The following FLG variants were observed in gnomAD, a reference collection of about 807,000 sequenced individuals.
The protein encoded by FLG is filaggrin.
Under a neutral mutation model 3.8 loss-of-function variants are expected in FLG, and 6 were observed. The ratio of observed to expected loss-of-function variants is 1.60; its 90% CI spans 0.87 to 3.15. FLG has a LOEUF of 3.15. FLG is among the 30% of genes most tolerant of loss of function. The pLI is 0.00. For synonymous variants in FLG, 2,551 were observed against 1,931.6 expected, an observed-to-expected ratio of 1.32 and a Z score of -8.41; for missense variants, 7,595 against 5,050.9, an observed-to-expected ratio of 1.50 and a Z score of -15.27.
At position 152,309,932 on chromosome 1, in the gene FLG, G is replaced by A. The variant is rs1384697881; in HGVS notation, c.4954C>T (p.Gln1652Ter). The A allele has an allele frequency of 1.9e-6, 3 of 1,614,000 alleles. No homozygotes were observed. The highest frequency in any genetic ancestry group is 1.3e-5 in the African/African-American group (1 of 74,882). The change falls in exon 3 of 3, where the codon CAA (glutamine) becomes TAA (stop). Residue 1652 changes from glutamine (Q) to a stop codon, truncating the protein, a stop_gained. Coordinates refer to ENST00000368799, the MANE Select transcript of FLG (RefSeq NM_002016.2). LOFTEE classifies it low-confidence loss of function (END_TRUNC). ...SHGHSAESSR[Q>*]SGTRHAETSS... Reference sequence around the variant, plus strand: ...GTCTCTGCATGACGAGTGCCTGATTGTCTGGAGCTCTCTGCAGAGTGCCCA... The same window carrying A: ...GTCTCTGCATGACGAGTGCCTGATTATCTGGAGCTCTCTGCAGAGTGCCCA...
chr1:152,308,867 A>T lies in FLG; in HGVS notation c.6019T>A (p.Ser2007Thr), dbSNP rs1278711353. The change falls in exon 3 of 3, where the codon TCC (serine) becomes ACC (threonine). Residue 2007 changes from serine (S) to threonine (T), a missense_variant. Coordinates refer to ENST00000368799, the MANE Select transcript of FLG (RefSeq NM_002016.2). ...ARSSAGERHG[S>T]HHQLQSADSS... is the part of the protein sequence containing the mutation. ...TCTGCTGACTGGAGCTGGTGGTGGG[A>T]TCCATGTCTTTCTCCTGCACTTGAT... The T allele has an allele frequency of 6.2e-7, 1 of 1,613,910 alleles. No homozygotes were observed. The highest frequency in any genetic ancestry group is 1.3e-5 in the African/African-American group (1 of 74,982).
chr1:152,324,473 A>G (rs1255105705), intron 1 of FLG, among the ~76,000 whole-genome samples: 3 of 151,914 alleles, frequency 2.0e-5, no homozygotes, highest in South Asian at 4.2e-4. Context: ...TGCCTTGGCT[A>G]GTTTCTTTTG....
intron 1 of FLG, among the ~76,000 whole-genome samples, chr1:152,318,144 C>T (rs778364746): frequency 6.6e-6 from 1 of 151,952 alleles, no homozygotes; most frequent in South Asian, 2.1e-4. Flanking sequence ...TTTCTCCTAA[C>T]ATCTTACTAG....
At position 152,309,058 on chromosome 1, in the gene FLG, A is replaced by C. The variant is rs113544881; in HGVS notation, c.5828T>G (p.Leu1943Arg). ...TCTTGACTGCTCCCAAGCAGATCCA[A>C]GATGGTTTCTGGAAGCAGACCCAGA... ...RWSGSASRNH[L>R]GSAWEQSRDG... Residue 1943 changes from leucine (L) to arginine (R), a missense_variant, in exon 3 of 3, where the codon CTT becomes CGT. Physicochemically the swap from Leu to Arg is moderately radical, Grantham distance 102. Transcript: ENST00000368799. 3.1e-4 allele frequency: 501 copies of C among 1,612,944 alleles called. No individual in the cohort carries two copies. Among genetic ancestry groups the C allele is most frequent in the Non-Finnish European group, 4.0e-4 (467 of 1,179,726 alleles).
Position 152,313,141 on chromosome 1 carries a change from C to G in FLG, c.1745G>C (p.Arg582Thr), listed in dbSNP as rs911991829. ...TTCATGATGACGTGACCCTGAGTGC[C>G]TGGTGCCGTCTCCTGATTGTTCCTC... Reference protein sequence around the residue: ...RNEEQSGDGTRHSGSRHHEAS... With the variant: ...RNEEQSGDGTTHSGSRHHEAS... The change falls in exon 3 of 3, where the codon AGG (arginine) becomes ACG (threonine). Residue 582 changes from arginine (R) to threonine (T), a missense_variant. Coordinates refer to ENST00000368799, the MANE Select transcript of FLG (RefSeq NM_002016.2). 1.4e-5 allele frequency: 22 copies of G among 1,613,740 alleles called. No homozygotes were observed. Among genetic ancestry groups the G allele is most frequent in the Non-Finnish European group, 1.8e-5 (21 of 1,180,008 alleles).
rs1382938616 is a variant in FLG, at chr1:152,312,077, T to C, written c.2809A>G (p.Arg937Gly). ...CTGGATCCCTGGCGCCTGCTTGTCC[T>C]GGACCCCTCTGATTGTCCCTGGCCT... ...QAGQGQSEGS[R>G]TSRRQGSSVS... Residue 937 changes from arginine to glycine, a missense_variant, in exon 3 of 3, where the codon AGG (arginine) becomes GGG (glycine). By Grantham distance (125) the Arg-to-Gly change is moderately radical (BLOSUM62 -2). Transcript: ENST00000368799. 4 of 1,614,062 alleles carry C rather than the reference T, an allele frequency of 2.5e-6. No individual in the cohort carries two copies. Among genetic ancestry groups the C allele is most frequent in the Admixed American group, 1.7e-5 (1 of 60,014 alleles).
chr1:152,308,358 C>T lies in FLG; in HGVS notation c.6528G>A (p.Arg2176=). ...CTGACTGCCCACGGGAGGCATCAGA[C>T]CTTCCCTGGGATGTGGTGTGGCTGT... ...SHHSHTTSQG[R]SDASRGQSGS... Residue 2176 remains arginine, a synonymous_variant, in exon 3 of 3, where the codon AGG becomes AGA. Coordinates refer to ENST00000368799, the MANE Select transcript of FLG (RefSeq NM_002016.2). The T allele has an allele frequency of 6.2e-7, 1 of 1,613,690 alleles. No homozygotes were observed. Among genetic ancestry groups the T allele is most frequent in the Non-Finnish European group, 8.5e-7 (1 of 1,179,838 alleles).
Position 152,308,564 on chromosome 1 carries a change from C to CA in FLG, c.6321dup (p.Ala2108CysfsTer13). ...CCTTGTCTTCCTCCAGTGCTGGGCG[C>CA]AGACTGTCCATGGGTGGACTCAGAC... On this transcript the variant is annotated frameshift_variant, in exon 3 of 3. Transcript: ENST00000368799. LOFTEE classifies it low-confidence loss of function (END_TRUNC). 12 of 1,614,106 alleles carry CA rather than the reference C, an allele frequency of 7.4e-6. No homozygotes were observed. The highest frequency in any genetic ancestry group is 1.0e-5 in the Non-Finnish European group (12 of 1,179,996).
intron 1 of FLG, 145 bp downstream of exon 1, chr1:152,325,044 G>A (rs1039416466): frequency 6.6e-6 from 1 of 151,770 alleles, no homozygotes; most frequent in South Asian, 2.1e-4. Context: ...CTTCTATATA[G>A]AAATAAACCT....
chr1:152,304,066 G>A lies in FLG; in HGVS notation c.10820C>T (p.Ser3607Phe). Residue 3607 changes from serine to phenylalanine, a missense_variant, in exon 3 of 3, where the codon TCT (serine) becomes TTT (phenylalanine). Coordinates refer to ENST00000368799, the MANE Select transcript of FLG (RefSeq NM_002016.2). ...ATGGGATGATGCAGCCTGTCCACCA[G>A]AGGAATTCTCTGCATGATGAGTGCC... ...QSGTHHAENS[S>F]GGQAASSHEQ... is the part of the protein sequence containing the mutation. The A allele has an allele frequency of 1.2e-6, 2 of 1,612,992 alleles. No homozygotes were observed. The highest frequency in any genetic ancestry group is 1.7e-6 in the Non-Finnish European group (2 of 1,179,940).
At position 152,313,170 on chromosome 1, in the gene FLG, T is replaced by A. The variant is rs575108535; in HGVS notation, c.1716A>T (p.Arg572=). 50 of 1,613,744 alleles carry A rather than the reference T, an allele frequency of 3.1e-5. 1 individual carries two copies. Among genetic ancestry groups the A allele is most frequent in the South Asian group, 2.9e-4 (26 of 91,032 alleles). The part of the protein sequence containing the change: ...SGSRSASRQT[R]NEEQSGDGTR... Reference sequence around the variant, plus strand: ...TGCCGTCTCCTGATTGTTCCTCATTTCGTGTTTGTCTGCTTGCACTTCTGG... The same window carrying A: ...TGCCGTCTCCTGATTGTTCCTCATTACGTGTTTGTCTGCTTGCACTTCTGG... Residue 572 remains arginine, a synonymous_variant, in exon 3 of 3, where the codon CGA becomes CGT. Transcript: ENST00000368799.
At position 152,303,188 on chromosome 1, in the gene FLG, T is replaced by A; in HGVS notation, c.11698A>T (p.Arg3900Ter). 1 of 1,614,166 alleles carries A rather than the reference T, an allele frequency of 6.2e-7. No individual in the cohort carries two copies. Among genetic ancestry groups the A allele is most frequent in the Non-Finnish European group, 8.5e-7 (1 of 1,180,036 alleles). The change falls in exon 3 of 3, where the codon AGA (arginine) becomes TGA (stop). Residue 3900 changes from arginine to a stop codon, truncating the protein, a stop_gained. Transcript: ENST00000368799. LOFTEE classifies it low-confidence loss of function (END_TRUNC). Reference protein sequence around the residue: ...SSREQSRDGSRHPGSSHRDTA... With the variant: ...SSREQSRDGS ...TCGCGGTGAGAGGATCCGGGGTGTC[T>A]GGAGCCATCTCTTGACTGCTCCCGA...
At position 152,313,347 on chromosome 1, in the gene FLG, C is replaced by T; in HGVS notation, c.1539G>A (p.Gln513=). The T allele has an allele frequency of 6.2e-7, 1 of 1,613,228 alleles. No individual in the cohort carries two copies. The highest frequency in any genetic ancestry group is 8.5e-7 in the Non-Finnish European group (1 of 1,179,844). The part of the protein sequence containing the change: ...SSRHSASQEG[Q]DTIRGHPGSS... ...ACCCCGGGTGTCCACGAATGGTGTCCTGACCCTCTTGGGACGCTGAATGCC... is the reference window on the plus strand; with the variant it reads ...ACCCCGGGTGTCCACGAATGGTGTCTTGACCCTCTTGGGACGCTGAATGCC... The change falls in exon 3 of 3, where the codon CAG becomes CAA. Residue 513 remains glutamine (Q), a synonymous_variant. Transcript: ENST00000368799.
At position 152,313,654 on chromosome 1, in the gene FLG, T is replaced by G; in HGVS notation, c.1232A>C (p.Asp411Ala). 2 of 1,613,782 alleles carry G rather than the reference T, an allele frequency of 1.2e-6. No homozygotes were observed. The highest frequency in any genetic ancestry group is 2.2e-5 in the East Asian group (1 of 44,846). Residue 411 changes from aspartate (D) to alanine (A), a missense_variant, in exon 3 of 3, where the codon GAT (aspartate) becomes GCT (alanine). Asp to Ala is a moderately radical substitution (Grantham distance 126). Coordinates refer to ENST00000368799, the MANE Select transcript of FLG (RefSeq NM_002016.2). Reference sequence around the variant, plus strand: ...ACCGCTAGACCCCCGGTGTCCACGATCGCTGACTGCAGATGAAGCTTGCCC... The same window carrying G: ...ACCGCTAGACCCCCGGTGTCCACGAGCGCTGACTGCAGATGAAGCTTGCCC... ...GRGQASSAVSDRGHRGSSGSQ... is the reference protein window; with the variant it reads ...GRGQASSAVSARGHRGSSGSQ...
intron 1 of FLG, among the ~76,000 whole-genome samples, chr1:152,323,578 C>T (rs970289791): frequency 6.6e-6 from 1 of 151,500 alleles, no homozygotes; most frequent in Admixed American, 6.6e-5. Flanking sequence ...ATTGAAATAA[C>T]GTGTGAGACC....
Position 152,307,147 on chromosome 1 carries a change from G to GA in FLG, c.7738dup (p.Ser2580PhefsTer2), listed in dbSNP as rs1652025068. Reference sequence around the variant, plus strand: ...GGAAGCAGACCCAGACCACCTCTCAGAGTCTTCTGAGTGTCCCTGACTGTC... The same window carrying GA: ...GGAAGCAGACCCAGACCACCTCTCAGAAGTCTTCTGAGTGTCCCTGACTGTC... On this transcript the variant is annotated frameshift_variant, in exon 3 of 3. Transcript: ENST00000368799. LOFTEE classifies it low-confidence loss of function (END_TRUNC). The GA allele has an allele frequency of 6.2e-7, 1 of 1,612,554 alleles. No individual in the cohort carries two copies. Among genetic ancestry groups the GA allele is most frequent in the South Asian group, 1.1e-5 (1 of 91,074 alleles).
In FLG at chr1:152,304,859, T is replaced by C. The variant is rs780802468; in HGVS notation, c.10027A>G (p.Ser3343Gly). The C allele has an allele frequency of 1.2e-6, 2 of 1,613,824 alleles. No individual in the cohort carries two copies. Among genetic ancestry groups the C allele is most frequent in the Non-Finnish European group, 8.5e-7 (1 of 1,179,956 alleles). The change falls in exon 3 of 3, where the codon AGT (serine) becomes GGT (glycine). Residue 3343 changes from serine (S) to glycine (G), a missense_variant. By Grantham distance (56) the Ser-to-Gly change is moderately conservative. Transcript: ENST00000368799. ...TCTGACTCTTCTGAATGTCCCTCACTATCACTGGCCTGACTACCACTGGAC... is the reference window on the plus strand; with the variant it reads ...TCTGACTCTTCTGAATGTCCCTCACCATCACTGGCCTGACTACCACTGGAC... ...WGSSGSQASD[S>G]EGHSEESDTQ...
Position 152,307,147 on chromosome 1 carries a change from G to C in FLG, c.7739C>G (p.Ser2580Cys), listed in dbSNP as rs543657891. The part of the protein sequence containing the change: ...DSDSQGHSED[S>C]ERWSGSASRN... ...GGAAGCAGACCCAGACCACCTCTCA[G>C]AGTCTTCTGAGTGTCCCTGACTGTC... Residue 2580 changes from serine to cysteine, a missense_variant, in exon 3 of 3, where the codon TCT (serine) becomes TGT (cysteine). By Grantham distance (112) the Ser-to-Cys change is moderately radical. Transcript: ENST00000368799. The C allele has an allele frequency of 2.0e-5, 33 of 1,612,670 alleles. No homozygotes were observed. The East Asian group carries it at 6.0e-4, about 29-fold the overall frequency.
chr1:152,312,058 C>A lies in FLG; in HGVS notation c.2828G>T (p.Gly943Val). Residue 943 changes from glycine to valine, a missense_variant, in exon 3 of 3, where the codon GGA becomes GTA. Transcript: ENST00000368799. ...SEGSRTSRRQGSSVSQDSDSE... is the reference protein window; with the variant it reads ...SEGSRTSRRQVSSVSQDSDSE... ...GTCACTGTCCTGGCTAACACTGGATCCCTGGCGCCTGCTTGTCCTGGACCC... is the reference window on the plus strand; with the variant it reads ...GTCACTGTCCTGGCTAACACTGGATACCTGGCGCCTGCTTGTCCTGGACCC... 1.2e-6 allele frequency: 2 copies of A among 1,614,110 alleles called. No individual in the cohort carries two copies. The highest frequency in any genetic ancestry group is 1.7e-6 in the Non-Finnish European group (2 of 1,180,024).
Sources: gnomAD v4.1 joint callset for allele counts (sites outside exome capture counted in the v4.1 genomes callset) on GRCh38, gnomAD v4.1.1 for gene constraint, MANE v1.5 for transcripts, NCBI Gene and HGNC (gene_info 2026-07-23, HGNC 2026-07-21) for gene names.